ALDH1A2: variants seen among roughly 807,000 people sequenced by gnomAD.
The protein encoded by ALDH1A2 is retinal dehydrogenase 2.
In ALDH1A2, 27 loss-of-function variants were observed where a neutral mutation model predicts 60.3. The ratio of observed to expected loss-of-function variants is 0.45; its 90% CI spans 0.33 to 0.62. The LOEUF (loss-of-function observed/expected upper bound fraction) is 0.62. Ranked by LOEUF, ALDH1A2 falls within the 20% of genes least tolerant of loss-of-function variation. ALDH1A2 has a pLI of 0.02. For synonymous variants in ALDH1A2, 289 were observed against 232.4 expected, an observed-to-expected ratio of 1.24 and a Z score of -2.21; for missense variants, 581 against 643.8, an observed-to-expected ratio of 0.90 and a Z score of 1.06.
In ALDH1A2 at chr15:58,010,787, A is replaced by G. The variant is rs1163947715; in HGVS notation, c.364-9T>C. On this transcript the variant is annotated splice_polypyrimidine_tract_variant and intron_variant, in intron 3 of 12. Transcript: ENST00000249750. ...TTTAGGGATTCCATGGTCTGTTGGA[A>G]GAGAAATGGAGAGATACTAAGTCCC... The G allele has an allele frequency of 6.2e-7, 1 of 1,612,726 alleles. No homozygotes were observed. The highest frequency in any genetic ancestry group is 8.5e-7 in the Non-Finnish European group (1 of 1,179,074).
intron 1 of ALDH1A2, among the ~76,000 whole-genome samples, chr15:58,026,771 G>A (rs993559766): frequency 6.6e-6 from 1 of 152,204 alleles, no homozygotes. Flanking sequence ...CACTGCTAGT[G>A]CAGCAGTCTG....
intron 1 of ALDH1A2, among the ~76,000 whole-genome samples, chr15:58,058,808 T>C (rs942289023): frequency 6.6e-6 from 1 of 152,034 alleles, no homozygotes; most frequent in Non-Finnish European, 1.5e-5. Context: ...TGAACTGGAG[T>C]AAAAGAAAGG....
At chr15:58,023,762 G>A (rs1299340126) in intron 1 of ALDH1A2, among the ~76,000 whole-genome samples, 2 of 151,898 alleles carry the variant, frequency 1.3e-5, no homozygotes, top group East Asian at 1.9e-4. Context: ...AAAGACTGAA[G>A]GAATTCATTA....
chr15:57,979,863 G>A (rs573644270), intron 7 of ALDH1A2: 4 of 321,114 alleles, frequency 1.2e-5, no homozygotes, highest in Admixed American at 3.2e-5. Context: ...CCAGGCCAAA[G>A]ACCTGGCTAC....
chr15:57,983,510 G>T (rs1894587736), intron 7 of ALDH1A2, among the ~76,000 whole-genome samples: 1 of 152,148 alleles, frequency 6.6e-6, no homozygotes, highest in Non-Finnish European at 1.5e-5. Context: ...TTAAGATGGA[G>T]AATTATCTTT....
chr15:57,970,500 G>A (rs982179970), intron 7 of ALDH1A2, among the ~76,000 whole-genome samples: 10 of 152,182 alleles, frequency 6.6e-5, no homozygotes, highest in Non-Finnish European at 1.3e-4. Flanking sequence ...ACAGCAATGC[G>A]GCAATGTAGG....
intron 1 of ALDH1A2, chr15:58,038,630 G>A (rs1896436413): frequency 6.6e-6 from 1 of 151,806 alleles, no homozygotes; most frequent in Admixed American, 6.6e-5. Flanking sequence ...CACAGCATGT[G>A]TTCCTCTGCT....
intron 12 of ALDH1A2, among the ~76,000 whole-genome samples, 156 bp downstream of exon 12, chr15:57,960,614 C>A (rs1893686119): frequency 6.6e-6 from 1 of 152,174 alleles, no homozygotes; most frequent in Non-Finnish European, 1.5e-5. Context: ...ATCTCTATAA[C>A]ATGTAATAGA....
In ALDH1A2 at chr15:57,995,394, T is replaced by C. The variant is rs575127213; in HGVS notation, c.494-255A>G. On this transcript the variant is annotated intron_variant, in intron 4 of 12. Transcript: ENST00000249750. ...TAAGGCAAAATGAATGACAAATTTA[T>C]GATACAAGAAGTCCTCAGGGTGGCA... Among the ~76,000 whole-genome samples the C allele has an allele frequency of 2.0e-5, 3 of 152,144 alleles. No homozygotes were observed. In the South Asian group the frequency reaches 6.2e-4, roughly 32 times the overall value.
intron 1 of ALDH1A2, among the ~76,000 whole-genome samples, chr15:58,016,797 G>A (rs1475756383): frequency 6.6e-6 from 1 of 152,104 alleles, no homozygotes; most frequent in Non-Finnish European, 1.5e-5. Context: ...AGAAATGAAT[G>A]TCACCACTGT....
At chr15:57,990,719 T>C (rs1025808910) in intron 7 of ALDH1A2, 2 of 151,792 alleles carry the variant, frequency 1.3e-5, no homozygotes, top group East Asian at 3.9e-4. Flanking sequence ...CTACTAAAAA[T>C]ACGAAAATTA....
intron 5 of ALDH1A2, among the ~76,000 whole-genome samples, chr15:57,993,895 T>C (rs1894970892): frequency 6.6e-6 from 1 of 152,216 alleles, no homozygotes; most frequent in Admixed American, 6.5e-5. Context: ...CTTCAAGGCT[T>C]CTCACTGGCT....
intron 1 of ALDH1A2, among the ~76,000 whole-genome samples, chr15:58,055,431 C>A (rs903026668): frequency 6.6e-6 from 1 of 151,762 alleles, no homozygotes; most frequent in Non-Finnish European, 1.5e-5. Flanking sequence ...TTCAGAAACA[C>A]CATGATAAAT....
At chr15:57,987,656 G>C (rs1224303465) in intron 7 of ALDH1A2, among the ~76,000 whole-genome samples, 1 of 152,044 alleles carries the variant, frequency 6.6e-6, no homozygotes, top group African/African-American at 2.4e-5. Flanking sequence ...CGAGGCGGGC[G>C]GATCACGAGG....
chr15:58,019,673 C>T (rs374962593), intron 1 of ALDH1A2, among the ~76,000 whole-genome samples: 16 of 152,198 alleles, frequency 1.1e-4, no homozygotes, highest in Admixed American at 6.5e-4. Context: ...CCTTTCTTTC[C>T]ATTGTGGTTG....
chr15:58,065,698 TGTGCGCGCGGTCCGCGGCCC>T (rs1897162509), exon 1 of ALDH1A2: 3 of 1,363,732 alleles, frequency 2.2e-6, no homozygotes, highest in Non-Finnish European at 3.0e-6. Context: ...CAGTGCGGGC[TGTGCGCGCGGTCCGCGGCCC>T]GGGGGCGCGC....
intron 7 of ALDH1A2, among the ~76,000 whole-genome samples, chr15:57,972,535 C>A (rs2140462515): frequency 6.6e-6 from 1 of 152,278 alleles, no homozygotes; most frequent in Middle Eastern, 3.4e-3. Context: ...ACCTTAGGAC[C>A]TGCTCAAACT....
intron 7 of ALDH1A2, among the ~76,000 whole-genome samples, chr15:57,968,822 T>G (rs1893974570): frequency 6.6e-6 from 1 of 152,224 alleles, no homozygotes; most frequent in Admixed American, 6.5e-5. Context: ...TTGATATTTT[T>G]TTGCCACTAG....
intron 9 of ALDH1A2, 86 bp downstream of exon 9, chr15:57,963,799 C>A: frequency 1.4e-6 from 2 of 1,414,858 alleles, no homozygotes; most frequent in Non-Finnish European, 9.9e-7. Context: ...AGGAAGATGT[C>A]GCTTTGCTGG....
Sources: allele counts gnomAD v4.1 joint callset (sites outside exome capture counted in the v4.1 genomes callset), GRCh38; gene constraint gnomAD v4.1.1; transcripts MANE v1.5; gene names NCBI Gene and HGNC (gene_info 2026-07-23, HGNC 2026-07-21).